CNGB3: variants seen among roughly 807,000 people sequenced by gnomAD.
CNGB3 encodes the protein cyclic nucleotide gated channel subunit beta 3, also known as cyclic nucleotide-gated channel beta-3.
A neutral mutation model predicts 92.8 loss-of-function variants in CNGB3; 86 were observed. That is an observed-to-expected ratio of 0.93 (90% confidence interval 0.78 to 1.11). CNGB3 has a LOEUF of 1.11. CNGB3 is among the 50% of genes least tolerant of loss of function. The pLI is 0.00. For missense variants in CNGB3, 1,026 were observed against 956.8 expected (o/e 1.07, Z -0.95); for synonymous variants, 333 against 332.7 (o/e 1.00, Z -0.01).
chr8:86,713,314 A>G (rs1824785157), intron 3 of CNGB3, among the ~76,000 whole-genome samples: 1 of 152,190 alleles, frequency 6.6e-6, no homozygotes, highest in African/African-American at 2.4e-5. Flanking sequence ...TCACCTACAA[A>G]GGTTTATGAT....
At chr8:86,703,516 A>T (rs1449404035) in intron 3 of CNGB3, among the ~76,000 whole-genome samples, 1 of 152,088 alleles carries the variant, frequency 6.6e-6, no homozygotes, top group Admixed American at 6.5e-5. Context: ...GTGTGGCTGC[A>T]TGATGTCTAG....
In CNGB3 at chr8:86,652,357, A is replaced by T. The variant is rs933176179; in HGVS notation, c.903+1655T>A. Among the ~76,000 whole-genome samples, 4 of 151,960 alleles carry T rather than the reference A, an allele frequency of 2.6e-5. No homozygotes were observed. In the South Asian group the frequency reaches 8.3e-4, roughly 32 times the overall value. ...TACTGTACACTACTGTAGACTTTATAAACACTGTAGAGTTAGGCTACACTA... is the reference window on the plus strand; with the variant it reads ...TACTGTACACTACTGTAGACTTTATTAACACTGTAGAGTTAGGCTACACTA... On this transcript the variant is annotated intron_variant, in intron 7 of 17. Coordinates refer to ENST00000320005, the MANE Select transcript of CNGB3 (RefSeq NM_019098.5).
chr8:86,733,689 G>A (rs1042438102), intron 2 of CNGB3, among the ~76,000 whole-genome samples: 3 of 152,080 alleles, frequency 2.0e-5, no homozygotes, highest in Admixed American at 6.5e-5. Context: ...GGTCGTACAC[G>A]GTAAAGTCTT....
chr8:86,676,151 G>T (rs1823963201), intron 3 of CNGB3, among the ~76,000 whole-genome samples: 2 of 152,188 alleles, frequency 1.3e-5, no homozygotes. Flanking sequence ...AGGACTCTAA[G>T]AAAGTTTTGA....
chr8:86,609,354 A>G (rs1822475743), intron 14 of CNGB3, among the ~76,000 whole-genome samples: 1 of 152,136 alleles, frequency 6.6e-6, no homozygotes, highest in African/African-American at 2.4e-5. Flanking sequence ...TGTATTTCCC[A>G]TTTCAATAAA....
chr8:86,587,269 T>C (rs1303940878), intron 15 of CNGB3, among the ~76,000 whole-genome samples: 1 of 152,088 alleles, frequency 6.6e-6, no homozygotes, highest in African/African-American at 2.4e-5. Context: ...TGCAAAAATT[T>C]TCTCCCATTT....
At chr8:86,705,859 C>T (rs949618244) in intron 3 of CNGB3, among the ~76,000 whole-genome samples, 2 of 152,180 alleles carry the variant, frequency 1.3e-5, no homozygotes, top group Admixed American at 1.3e-4. Context: ...TATAGTATGA[C>T]ACAGACTAGG....
chr8:86,692,968 A>T (rs1214692880), intron 3 of CNGB3, among the ~76,000 whole-genome samples: 1 of 152,150 alleles, frequency 6.6e-6, no homozygotes, highest in Non-Finnish European at 1.5e-5. Flanking sequence ...GAAAGACTAT[A>T]TCTTTCCTTC....
intron 15 of CNGB3, among the ~76,000 whole-genome samples, chr8:86,579,502 G>C (rs945618840): frequency 2.0e-5 from 3 of 152,114 alleles, no homozygotes; most frequent in Non-Finnish European, 4.4e-5. Flanking sequence ...TCAGTATCCT[G>C]TCAGATCCTT....
intron 4 of CNGB3, among the ~76,000 whole-genome samples, chr8:86,670,551 A>T (rs758371319): frequency 3.3e-5 from 5 of 152,290 alleles, no homozygotes; most frequent in Admixed American, 6.5e-5. Flanking sequence ...CCCCAATGGC[A>T]GAGCAGTAGT....
chr8:86,662,066 G>A (rs1411343554), intron 6 of CNGB3: 2 of 275,384 alleles, frequency 7.3e-6, no homozygotes, highest in Non-Finnish European at 1.4e-5. Context: ...TGCTGTCCCC[G>A]TGCCGCCGCC....
chr8:86,722,671 G>T (rs1294042137), intron 3 of CNGB3, among the ~76,000 whole-genome samples: 1 of 152,190 alleles, frequency 6.6e-6, no homozygotes, highest in Non-Finnish European at 1.5e-5. Context: ...CATTCAGTCA[G>T]TTGAAAGCCT....
At chr8:86,628,777 T>C in intron 12 of CNGB3, 142 bp downstream of exon 12, 1 of 868,404 alleles carries the variant, frequency 1.2e-6, no homozygotes, top group Non-Finnish European at 1.8e-6. Flanking sequence ...AAAAAAAACC[T>C]GTAGCATTAA....
intron 10 of CNGB3, among the ~76,000 whole-genome samples, chr8:86,640,114 T>C (rs1823152430): frequency 6.6e-6 from 1 of 152,100 alleles, no homozygotes. Context: ...TTATTGTTTC[T>C]GGTTACTTGA....
At chr8:86,728,056 T>A (rs1460867989) in intron 2 of CNGB3, among the ~76,000 whole-genome samples, 1 of 152,182 alleles carries the variant, frequency 6.6e-6, no homozygotes. Flanking sequence ...TTCTCGGATT[T>A]CCCAAGACGC....
chr8:86,695,916 C>A (rs569760125), intron 3 of CNGB3, among the ~76,000 whole-genome samples: 19 of 152,154 alleles, frequency 1.2e-4, no homozygotes, highest in African/African-American at 3.9e-4. Flanking sequence ...TGTTATTGTT[C>A]TTCTGAATCC....
At chr8:86,676,802 A>G (rs1328012586) in intron 3 of CNGB3, among the ~76,000 whole-genome samples, 1 of 152,186 alleles carries the variant, frequency 6.6e-6, no homozygotes, top group African/African-American at 2.4e-5. Context: ...TGGGCCCTCA[A>G]TCCAGTGACT....
At chr8:86,633,837 C>G (rs1225840420) in intron 10 of CNGB3, among the ~76,000 whole-genome samples, 1 of 152,130 alleles carries the variant, frequency 6.6e-6, no homozygotes, top group Non-Finnish European at 1.5e-5. Flanking sequence ...ATGAATATCT[C>G]TTCTATTTTT....
chr8:86,613,206 G>A (rs1050657065), intron 13 of CNGB3, among the ~76,000 whole-genome samples: 1 of 152,156 alleles, frequency 6.6e-6, no homozygotes, highest in Non-Finnish European at 1.5e-5. Flanking sequence ...TTTGCTTTGT[G>A]CAAAGTATAC....
Sources: gnomAD v4.1 joint callset for allele counts (sites outside exome capture counted in the v4.1 genomes callset) on GRCh38, gnomAD v4.1.1 for gene constraint, MANE v1.5 for transcripts, NCBI Gene and HGNC (gene_info 2026-07-23, HGNC 2026-07-21) for gene names.